Variants in EEPD1 observed in about 807,000 individuals in gnomAD.
The protein encoded by EEPD1 is endonuclease/exonuclease/phosphatase family domain-containing protein 1.
A neutral mutation model predicts 46.3 loss-of-function variants in EEPD1; 17 were observed. The observed-to-expected ratio is 0.37, with a 90% CI of 0.25 to 0.55. The LOEUF is 0.55. Among genes scored for constraint, EEPD1 ranks in the 20% least tolerant of loss-of-function variants. EEPD1 has a pLI of 0.83. For missense variants in EEPD1, 673 were observed against 745.6 expected (o/e 0.90, Z 1.13); for synonymous variants, 313 against 315.6 (o/e 0.99, Z 0.09).
intron 2 of EEPD1, among the ~76,000 whole-genome samples, chr7:36,207,733 C>T (rs1785846944): frequency 6.6e-6 from 1 of 152,096 alleles, no homozygotes. Context: ...TCTGCTGTGT[C>T]ATCATGCTAA....
chr7:36,275,369 TA>T, intron 3 of EEPD1, among the ~76,000 whole-genome samples: 1 of 152,228 alleles, frequency 6.6e-6, no homozygotes, highest in East Asian at 1.9e-4. Flanking sequence ...AGGGAAAGAC[TA>T]AAGGATCTCT....
chr7:36,195,408 C>T (rs1785560849), intron 2 of EEPD1, among the ~76,000 whole-genome samples: 1 of 152,164 alleles, frequency 6.6e-6, no homozygotes, highest in African/African-American at 2.4e-5. Flanking sequence ...GTGGGTTCCT[C>T]TATAAAAGTT....
At chr7:36,167,188 C>T (rs184496488) in intron 2 of EEPD1, among the ~76,000 whole-genome samples, 161 of 152,280 alleles carry the variant, frequency 1.1e-3, no homozygotes, top group African/African-American at 3.5e-3. Context: ...TCTCCAAATA[C>T]AGTCACATTC....
intron 2 of EEPD1, among the ~76,000 whole-genome samples, chr7:36,232,728 G>A (rs552271432): frequency 6.6e-6 from 1 of 151,296 alleles, no homozygotes; most frequent in East Asian, 1.9e-4. Context: ...AGGCTGGGGG[G>A]TTGGAGGGTA....
At chr7:36,278,295 G>A (rs1215932448) in intron 3 of EEPD1, among the ~76,000 whole-genome samples, 25 of 152,174 alleles carry the variant, frequency 1.6e-4, no homozygotes, top group Admixed American at 1.6e-3. Context: ...CTAAGCCAGG[G>A]TGGGGTTTGG....
chr7:36,220,444 C>T (rs1016313199), intron 2 of EEPD1, among the ~76,000 whole-genome samples: 29 of 152,120 alleles, frequency 1.9e-4, no homozygotes, highest in African/African-American at 6.8e-4. Context: ...ATCATAACCA[C>T]GTGGATTAAG....
chr7:36,227,506 G>T (rs1786249855), intron 2 of EEPD1, among the ~76,000 whole-genome samples: 1 of 152,176 alleles, frequency 6.6e-6, no homozygotes, highest in African/African-American at 2.4e-5. Context: ...TGCAGATGCT[G>T]ACGGCCCCTG....
chr7:36,189,445 T>C (rs1426076115), intron 2 of EEPD1, among the ~76,000 whole-genome samples: 1 of 152,256 alleles, frequency 6.6e-6, no homozygotes, highest in East Asian at 1.9e-4. Context: ...GTATAACATG[T>C]TAAGCTTCTT....
At chr7:36,274,815 T>C (rs1787160088) in intron 3 of EEPD1, among the ~76,000 whole-genome samples, 1 of 152,156 alleles carries the variant, frequency 6.6e-6, no homozygotes, top group South Asian at 2.1e-4. Context: ...AACATCCCCA[T>C]ACGCAAGCTC....
At chr7:36,173,134 C>T (rs1583786505) in intron 2 of EEPD1, among the ~76,000 whole-genome samples, 1 of 151,882 alleles carries the variant, frequency 6.6e-6, no homozygotes, top group African/African-American at 2.4e-5. Context: ...AAGGGAGGGA[C>T]CTGGTGGGAG....
intron 2 of EEPD1, among the ~76,000 whole-genome samples, chr7:36,198,289 C>T (rs1221164688): frequency 3.0e-5 from 4 of 133,374 alleles, no homozygotes; most frequent in African/African-American, 1.1e-4. Flanking sequence ...TGTGATCAGC[C>T]TATTGTATTT....
In EEPD1 at chr7:36,236,882, G is replaced by C. The variant is rs538450363; in HGVS notation, c.879-2103G>C. Among the ~76,000 whole-genome samples, 339 of 152,302 alleles carry C rather than the reference G, an allele frequency of 2.2e-3. 3 individuals carry two copies. Among genetic ancestry groups the C allele is most frequent in the African/African-American group, 8.0e-3 (332 of 41,572 alleles). On this transcript the variant is annotated intron_variant, in intron 2 of 7. Transcript: ENST00000242108. ...AGACCAATTAGCAGGATGTGGGTGG[G>C]GCCAGATAAGGGAATAAAAGCAGGC... is the stretch of plus-strand genomic sequence containing the variant.
intron 3 of EEPD1, among the ~76,000 whole-genome samples, chr7:36,252,325 G>A (rs1015492028): frequency 6.6e-5 from 10 of 152,098 alleles, no homozygotes; most frequent in South Asian, 2.1e-4. Context: ...TTATTCTGGC[G>A]GTGAAGAATC....
intron 3 of EEPD1, among the ~76,000 whole-genome samples, chr7:36,277,330 G>A (rs1787197338): frequency 6.6e-6 from 1 of 152,222 alleles, no homozygotes; most frequent in Non-Finnish European, 1.5e-5. Flanking sequence ...ATGAATCACT[G>A]GTAGCAGTTA....
chr7:36,291,850 A>G (rs1787445860), intron 6 of EEPD1, among the ~76,000 whole-genome samples: 3 of 152,324 alleles, frequency 2.0e-5, no homozygotes, highest in South Asian at 4.1e-4. Context: ...TGGGACAACA[A>G]GGGTCAAGCA....
chr7:36,205,491 G>C (rs992946811), intron 2 of EEPD1, among the ~76,000 whole-genome samples: 2 of 152,206 alleles, frequency 1.3e-5, no homozygotes, highest in Non-Finnish European at 1.5e-5. Flanking sequence ...GGAGAGAAGG[G>C]AGTGGCCTGT....
Position 36,154,236 on chromosome 7 carries a change from G to A in EEPD1, c.-89G>A, listed in dbSNP as rs1357593443. On this transcript the variant is annotated 5_prime_UTR_variant, in exon 2 of 8. In the 5' UTR this introduces an upstream ATG that the reference lacks. Transcript: ENST00000242108. This position sits in a 1 kb window ranked among gnomAD's most constrained non-coding sequence, Gnocchi z 4.2. ...TGAATCCTGCACCTTCCGTTTTTCT[G>A]TGCTTGTACGGCCTACTGGGCTTCC... The A allele has an allele frequency of 1.4e-6, 2 of 1,450,304 alleles. No individual in the cohort carries two copies. The highest frequency in any genetic ancestry group is 2.4e-4 in the Middle Eastern group (1 of 4,160). The allele number at this position is 1,450,304 out of a possible 1,614,324, so 89.8% of individuals were successfully genotyped here.
chr7:36,271,866 ATTC>A (rs1787109934), intron 3 of EEPD1, among the ~76,000 whole-genome samples: 1 of 20,182 alleles, frequency 5.0e-5, no homozygotes, highest in African/African-American at 1.1e-4. Flanking sequence ...ATTCTATTCT[ATTC>A]TATTCTATTC....
In EEPD1 at chr7:36,252,033, G is replaced by A. The variant is rs542193591; in HGVS notation, c.930+12997G>A. Among the ~76,000 whole-genome samples, 33 of 152,274 alleles carry A rather than the reference G, an allele frequency of 2.2e-4. No individual in the cohort carries two copies. In the South Asian group the frequency reaches 2.5e-3, roughly 11 times the overall value. ...ATCTAGGTCAGCTGAGCTGCTTGGG[G>A]AACCTGCATCCACTGCCATCTTTTA... On this transcript the variant is annotated intron_variant, in intron 3 of 7. Transcript: ENST00000242108.
Sources: gnomAD v4.1 joint callset for allele counts (sites outside exome capture counted in the v4.1 genomes callset) on GRCh38, gnomAD v4.1.1 for gene constraint, Gnocchi (gnomAD v3.1) non-coding constraint, MANE v1.5 for transcripts, NCBI Gene and HGNC (gene_info 2026-07-23, HGNC 2026-07-21) for gene names.